The following ZNF385D variants were observed in gnomAD, a reference collection of about 807,000 sequenced individuals.
ZNF385D encodes zinc finger protein 385D, also known as zinc finger protein 659.
ZNF385D carries 15 observed loss-of-function variants against 35.8 expected under a neutral mutation model. The ratio of observed to expected loss-of-function variants is 0.42; its 90% CI spans 0.28 to 0.64. The LOEUF is 0.64. Ranked by LOEUF, ZNF385D falls within the 30% of genes least tolerant of loss-of-function variation. The pLI is 0.23. For missense variants in ZNF385D, 474 were observed against 494.6 expected (o/e 0.96, Z 0.39); for synonymous variants, 212 against 186.8 (o/e 1.13, Z -1.10).
chr3:22,294,930 T>A (rs1056556624), intron 2 of ZNF385D, among the ~76,000 whole-genome samples: 1 of 152,096 alleles, frequency 6.6e-6, no homozygotes, highest in African/African-American at 2.4e-5. Context: ...AAATTAGATA[T>A]CTATTTTCCA....
intron 3 of ZNF385D, among the ~76,000 whole-genome samples, chr3:21,914,772 G>A (rs935282352): frequency 4.6e-5 from 7 of 151,434 alleles, no homozygotes; most frequent in African/African-American, 1.5e-4. Context: ...AATACCCCTC[G>A]GTTTATTTTT....
chr3:21,964,320 GAA>G (rs147018174), intron 3 of ZNF385D, among the ~76,000 whole-genome samples: 3 of 136,436 alleles, frequency 2.2e-5, no homozygotes, highest in African/African-American at 8.1e-5. Context: ...AATACAAATG[GAA>G]AAAAAAAGAA....
At chr3:21,485,206 G>C (rs987561897) in intron 4 of ZNF385D, among the ~76,000 whole-genome samples, 6 of 152,144 alleles carry the variant, frequency 3.9e-5, no homozygotes, top group Non-Finnish European at 8.8e-5. Context: ...TCACATGTAC[G>C]TGTTTCTGAG....
intron 3 of ZNF385D, among the ~76,000 whole-genome samples, chr3:21,517,436 AC>A (rs1220402491): frequency 6.6e-6 from 1 of 152,018 alleles, no homozygotes; most frequent in Non-Finnish European, 1.5e-5. Flanking sequence ...AACACCCCAA[AC>A]CCATGGCCAG....
intron 3 of ZNF385D, among the ~76,000 whole-genome samples, chr3:22,143,592 A>T (rs192452928): frequency 6.6e-6 from 1 of 151,942 alleles, no homozygotes; most frequent in Non-Finnish European, 1.5e-5. Context: ...CACGATATAT[A>T]TTTTTCTGTG....
chr3:21,422,083 A>G (rs1207070861), intron 7 of ZNF385D, among the ~76,000 whole-genome samples: 2 of 152,218 alleles, frequency 1.3e-5, no homozygotes, highest in Non-Finnish European at 2.9e-5. Flanking sequence ...GGCTAGTAAC[A>G]TCAATAAAAT....
chr3:22,193,943 G>C (rs560097277), intron 2 of ZNF385D, among the ~76,000 whole-genome samples: 3 of 151,998 alleles, frequency 2.0e-5, no homozygotes, highest in African/African-American at 7.2e-5. Flanking sequence ...GCATTAGGTA[G>C]TGCATTTTTT....
chr3:22,036,923 T>C (rs1344838383), intron 3 of ZNF385D, among the ~76,000 whole-genome samples: 1 of 142,506 alleles, frequency 7.0e-6, no homozygotes, highest in African/African-American at 2.6e-5. Context: ...CCATGTGTTC[T>C]CATTGTTCAA....
intron 1 of ZNF385D, among the ~76,000 whole-genome samples, chr3:21,672,559 C>G (rs959017194): frequency 6.6e-6 from 1 of 152,044 alleles, no homozygotes; most frequent in African/African-American, 2.4e-5. Flanking sequence ...TCTGGAAATA[C>G]TGATTCAAAA....
At chr3:22,181,527 T>A (rs1305351728) in intron 2 of ZNF385D, among the ~76,000 whole-genome samples, 4 of 151,954 alleles carry the variant, frequency 2.6e-5, no homozygotes, top group Non-Finnish European at 5.9e-5. Context: ...AAACCCCCTC[T>A]CTACTAAACA....
chr3:22,123,209 G>A (rs1477202935), intron 3 of ZNF385D, among the ~76,000 whole-genome samples: 1 of 152,076 alleles, frequency 6.6e-6, no homozygotes, highest in Non-Finnish European at 1.5e-5. Context: ...AAAAGTGGAG[G>A]GGAGAAGCGG....
At chr3:22,237,085 T>C (rs1191631846) in intron 2 of ZNF385D, among the ~76,000 whole-genome samples, 5 of 152,312 alleles carry the variant, frequency 3.3e-5, no homozygotes, top group Middle Eastern at 3.4e-3. Context: ...ATTTCCCTTT[T>C]TGAAGAACTG....
intron 3 of ZNF385D, among the ~76,000 whole-genome samples, chr3:21,929,671 T>C (rs889674137): frequency 3.3e-5 from 5 of 151,830 alleles, no homozygotes; most frequent in Admixed American, 2.6e-4. Context: ...AAGAAACATC[T>C]AAAAATAAAA....
At chr3:21,433,752 C>T (rs79381650) in intron 5 of ZNF385D, among the ~76,000 whole-genome samples, 3,543 of 152,160 alleles carry the variant, frequency 0.023, 122 homozygotes, top group Admixed American at 0.089. Context: ...ATAACATCAG[C>T]GATAAAGGAC....
At chr3:21,478,995 A>G (rs1263692078) in intron 4 of ZNF385D, among the ~76,000 whole-genome samples, 1 of 152,066 alleles carries the variant, frequency 6.6e-6, no homozygotes, top group Non-Finnish European at 1.5e-5. Flanking sequence ...TAGTAATCAT[A>G]AAGAAATATA....
At chr3:21,773,801 G>C (rs1015518682) in intron 3 of ZNF385D, among the ~76,000 whole-genome samples, 1 of 151,918 alleles carries the variant, frequency 6.6e-6, no homozygotes, top group East Asian at 2.0e-4. Context: ...GGAGAAAAAG[G>C]AATGCTTTTA....
chr3:21,551,434 A>G (rs1316682694), intron 3 of ZNF385D, among the ~76,000 whole-genome samples: 4 of 152,194 alleles, frequency 2.6e-5, no homozygotes, highest in Non-Finnish European at 5.9e-5. Flanking sequence ...ATGAAATTCT[A>G]TTGTTAGGAA....
At chr3:21,467,400 T>TA (rs1438765513) in intron 4 of ZNF385D, among the ~76,000 whole-genome samples, 1 of 152,228 alleles carries the variant, frequency 6.6e-6, no homozygotes. Flanking sequence ...GTAAGACTGT[T>TA]TCTCTAAGAC....
chr3:21,557,772 CTG>C (rs1206653493), intron 3 of ZNF385D, among the ~76,000 whole-genome samples: 2 of 152,092 alleles, frequency 1.3e-5, no homozygotes, highest in Admixed American at 1.3e-4. Context: ...TAGAATTCGT[CTG>C]TGAATCCATC....
Sources: gnomAD v4.1 joint callset for allele counts (sites outside exome capture counted in the v4.1 genomes callset) on GRCh38, gnomAD v4.1.1 for gene constraint, MANE v1.5 for transcripts, NCBI Gene and HGNC (gene_info 2026-07-23, HGNC 2026-07-21) for gene names.